Variants in METTL21C observed in about 807,000 individuals in gnomAD.
METTL21C encodes the protein methyltransferase 21C, AARS1 lysine.
In METTL21C, 21 loss-of-function variants were observed where a neutral mutation model predicts 25.9. The observed-to-expected ratio is 0.81, with a 90% CI of 0.58 to 1.17. METTL21C has a LOEUF of 1.17. Ranked by LOEUF, METTL21C falls within the 50% of genes most tolerant of loss-of-function variation. METTL21C has a pLI of 0.00. For synonymous variants in METTL21C, 125 were observed against 124.7 expected (o/e 1.00, Z -0.01); for missense variants, 312 against 315.1 (o/e 0.99, Z 0.07).
rs577915991 is a variant in METTL21C at position 102,687,860 on chromosome 13, T to C, written c.283-803A>G. On this transcript the variant is annotated intron_variant, in intron 2 of 3. Coordinates refer to ENST00000267273, the MANE Select transcript of METTL21C (RefSeq NM_001010977.3). Reference sequence around the variant, plus strand: ...AGGAAATCAAACTTCCCTTTCTTCTTTATTCGTTCTCTTCTCCCTCCACCT... The same window carrying C: ...AGGAAATCAAACTTCCCTTTCTTCTCTATTCGTTCTCTTCTCCCTCCACCT... Among the ~76,000 whole-genome samples, 3 of 152,334 alleles carry C rather than the reference T, an allele frequency of 2.0e-5. No individual in the cohort carries two copies. In the South Asian group the frequency reaches 6.2e-4, roughly 32 times the overall value.
chr13:102,698,116 G>T (rs527383845), upstream of METTL21C, among the ~76,000 whole-genome samples: 1 of 152,268 alleles, frequency 6.6e-6, no homozygotes, highest in African/African-American at 2.4e-5. Context: ...ATATCTGAAA[G>T]AATCTGGCAC....
intron 1 of METTL21C, among the ~76,000 whole-genome samples, chr13:102,692,789 A>G (rs551613447): frequency 2.0e-5 from 3 of 152,256 alleles, no homozygotes; most frequent in South Asian, 4.2e-4. Flanking sequence ...CAGTCCTGAG[A>G]CCTTGTCCTT....
chr13:102,686,295 G>C lies in METTL21C; in HGVS notation c.531C>G (p.Asp177Glu). The change falls in exon 4 of 4, where the codon GAC (aspartate) becomes GAG (glutamate). Residue 177 changes from aspartate to glutamate, a missense_variant. Coordinates refer to ENST00000267273, the MANE Select transcript of METTL21C (RefSeq NM_001010977.3). ...VKELVWGEDL[D>E]KNFPKSAFYY... ...AAAAAGCTGACTTGGGAAAGTTTTT[G>C]TCCAGGTCTTCCCCCCATACCAGTT... is the stretch of plus-strand genomic sequence containing the variant. 1 of 1,614,208 alleles carries C rather than the reference G, an allele frequency of 6.2e-7. No individual in the cohort carries two copies. The highest frequency in any genetic ancestry group is 8.5e-7 in the Non-Finnish European group (1 of 1,180,036).
At chr13:102,694,324 A>C in intron 1 of METTL21C, 45 bp downstream of exon 1, 1 of 1,578,014 alleles carries the variant, frequency 6.3e-7, no homozygotes, top group South Asian at 1.1e-5. Flanking sequence ...CATCGCCAGG[A>C]AAACAACTGA....
At chr13:102,693,688 A>G (rs902917760) in intron 1 of METTL21C, among the ~76,000 whole-genome samples, 8 of 152,240 alleles carry the variant, frequency 5.3e-5, no homozygotes, top group African/African-American at 1.7e-4. Context: ...ATAAAGAAAC[A>G]TATGTTTTTG....
In METTL21C at chr13:102,694,484, C is replaced by A. The variant is rs774205216; in HGVS notation, c.15G>T (p.Leu5=). The change falls in exon 1 of 4, where the codon CTG becomes CTT. Residue 5 remains leucine, a synonymous_variant. Transcript: ENST00000267273. Reference sequence around the variant, plus strand: ...GGCGCCCAGGCTGCTGCGCGGAGCTCAGACACACGTCCATAGCCGGCTGTC... The same window carrying A: ...GGCGCCCAGGCTGCTGCGCGGAGCTAAGACACACGTCCATAGCCGGCTGTC... MDVC[L]SSAQQPGRRG... 1.2e-5 allele frequency: 19 copies of A among 1,599,888 alleles called. No homozygotes were observed. Among genetic ancestry groups the A allele is most frequent in the Admixed American group, 5.1e-5 (3 of 58,976 alleles).
Position 102,695,026 on chromosome 13 carries a change from C to T in METTL21C, c.-528G>A, listed in dbSNP as rs184826830. ...CTGCCCCTGTGGCATCCAGTTGCTG[C>T]GATGTGGTTCGAAACGTTAGACTTC... On this transcript the variant is annotated 5_prime_UTR_variant, in exon 1 of 4. Transcript: ENST00000267273. Among the ~76,000 whole-genome samples the T allele has an allele frequency of 7.2e-5, 11 of 152,160 alleles. No individual in the cohort carries two copies. The highest frequency in any genetic ancestry group is 1.3e-4 in the Non-Finnish European group (9 of 67,996).
At chr13:102,698,116 G>A (rs527383845), upstream of METTL21C, among the ~76,000 whole-genome samples, 1 of 152,150 alleles carries the variant, frequency 6.6e-6, no homozygotes, top group Non-Finnish European at 1.5e-5. Flanking sequence ...ATATCTGAAA[G>A]AATCTGGCAC....
chr13:102,688,693 G>A (rs9585961), intron 2 of METTL21C, among the ~76,000 whole-genome samples: 28,792 of 152,056 alleles, frequency 0.19, 2,869 homozygotes, highest in African/African-American at 0.23. Context: ...GGGGGTCAAT[G>A]TCAGGAAAAG....
At chr13:102,697,856 G>T (rs1295108636), upstream of METTL21C, among the ~76,000 whole-genome samples, 3 of 152,162 alleles carry the variant, frequency 2.0e-5, no homozygotes, top group South Asian at 6.2e-4. Context: ...AGGAGCAGGC[G>T]ACCAGAGCTT....
chr13:102,688,853 A>T (rs1434324198), intron 2 of METTL21C, among the ~76,000 whole-genome samples: 5 of 98,178 alleles, frequency 5.1e-5, no homozygotes, highest in African/African-American at 1.8e-4. Flanking sequence ...GTGTCTTTTG[A>T]CATTGCAAAC....
At chr13:102,698,748 G>A (rs1595248887), upstream of METTL21C, among the ~76,000 whole-genome samples, 1 of 152,222 alleles carries the variant, frequency 6.6e-6, no homozygotes, top group South Asian at 2.1e-4. Flanking sequence ...CTCACTAGGA[G>A]CCCTGCAATC....
intron 1 of METTL21C, among the ~76,000 whole-genome samples, chr13:102,692,704 G>T (rs1254615000): frequency 3.3e-5 from 5 of 152,208 alleles, no homozygotes; most frequent in African/African-American, 1.2e-4. Flanking sequence ...TCTCTGCCCT[G>T]ACAAAAAAGG....
upstream of METTL21C, among the ~76,000 whole-genome samples, chr13:102,696,060 A>G (rs890248020): frequency 1.3e-5 from 2 of 151,868 alleles, no homozygotes; most frequent in African/African-American, 4.8e-5. Context: ...AACCTCACCA[A>G]CTTTTTTTTT....
chr13:102,691,716 A>G (rs531998262), intron 1 of METTL21C, among the ~76,000 whole-genome samples: 8 of 152,232 alleles, frequency 5.3e-5, no homozygotes, highest in Non-Finnish European at 1.0e-4. Context: ...ATGTTCCTTC[A>G]ATCTTTCCTA....
intron 1 of METTL21C, among the ~76,000 whole-genome samples, chr13:102,691,233 A>G (rs1345266547): frequency 6.6e-6 from 1 of 152,158 alleles, no homozygotes; most frequent in African/African-American, 2.4e-5. Context: ...AGGACAGAAG[A>G]TGTGTGGATC....
chr13:102,687,106 C>T (rs764342278), intron 2 of METTL21C, 49 bp from the exon 3 acceptor site: 1 of 1,386,256 alleles, frequency 7.2e-7, no homozygotes, highest in Non-Finnish European at 1.0e-6. Context: ...CATTGGAAAC[C>T]AGTAGCAACC....
chr13:102,691,654 G>T (rs1323096032), intron 1 of METTL21C, among the ~76,000 whole-genome samples: 2 of 152,130 alleles, frequency 1.3e-5, no homozygotes, highest in Non-Finnish European at 2.9e-5. Flanking sequence ...CGCCAGACCT[G>T]CCTATTTTTA....
chr13:102,702,837 C>T, the METTL21C span, among the ~76,000 whole-genome samples: 1 of 152,132 alleles, frequency 6.6e-6, no homozygotes, highest in Non-Finnish European at 1.5e-5. Flanking sequence ...GTGATCCACC[C>T]ACCTCGGCCT....
Sources: gnomAD v4.1 joint callset for allele counts (sites outside exome capture counted in the v4.1 genomes callset) on GRCh38, gnomAD v4.1.1 for gene constraint, MANE v1.5 for transcripts, NCBI Gene and HGNC (gene_info 2026-07-23, HGNC 2026-07-21) for gene names.